Variants in CDK14 observed in about 807,000 individuals in gnomAD.
The protein encoded by CDK14 is cyclin dependent kinase 14, also known as cyclin-dependent kinase 14.
Under a neutral mutation model 60.7 loss-of-function variants are expected in CDK14, and 34 were observed. That is an observed-to-expected ratio of 0.56 (90% CI 0.43 to 0.75). The LOEUF (loss-of-function observed/expected upper bound fraction) is 0.75. Ranked by LOEUF, CDK14 falls within the 30% of genes least tolerant of loss-of-function variation. The probability of loss-of-function intolerance (pLI) is 0.00; values close to 1 mark genes in which losing one functional copy is unlikely to be tolerated. For synonymous variants in CDK14, 197 were observed against 203.7 expected, an observed-to-expected ratio of 0.97 and a Z score of 0.28; for missense variants, 482 against 564.1, an observed-to-expected ratio of 0.85 and a Z score of 1.47.
At chr7:90,788,735 G>C (rs1805704776) in intron 4 of CDK14, among the ~76,000 whole-genome samples, 1 of 152,200 alleles carries the variant, frequency 6.6e-6, no homozygotes, top group South Asian at 2.1e-4. Context: ...AGACCAAATA[G>C]ATGTAGGTTT....
In CDK14 at chr7:90,901,900, A is replaced by G. The variant is rs76328654; in HGVS notation, c.702+2547A>G. 9.9e-3 allele frequency among the ~76,000 whole-genome samples: 1,502 copies of G among 152,222 alleles called. 25 individuals are homozygous for G. Among genetic ancestry groups the G allele is most frequent in the African/African-American group, 0.033 (1,381 of 41,560 alleles). On this transcript the variant is annotated intron_variant, in intron 7 of 14. Coordinates refer to ENST00000380050, the MANE Select transcript of CDK14 (RefSeq NM_001287135.2). ...CACCAAAAAAAGTTACAGAGCTGAT[A>G]AACTAATTCCGTAAAGTTGCAGGAT...
intron 5 of CDK14, among the ~76,000 whole-genome samples, chr7:90,849,204 T>C (rs577191487): frequency 1.3e-5 from 2 of 152,108 alleles, no homozygotes; most frequent in Admixed American, 1.3e-4. Context: ...AAAAGGAGCC[T>C]GATACCTCCC....
chr7:90,760,423 G>A (rs962324668), intron 4 of CDK14, among the ~76,000 whole-genome samples: 1 of 152,194 alleles, frequency 6.6e-6, no homozygotes, highest in Non-Finnish European at 1.5e-5. Flanking sequence ...CATTGAAGCT[G>A]CAATCTTAAG....
At chr7:91,019,576 C>A (rs572675718) in intron 10 of CDK14, among the ~76,000 whole-genome samples, 2 of 152,102 alleles carry the variant, frequency 1.3e-5, no homozygotes, top group Admixed American at 1.3e-4. Context: ...CAATTCACAC[C>A]TCTATTCTCC....
At chr7:90,819,485 G>GTT (rs898527048) in intron 5 of CDK14, among the ~76,000 whole-genome samples, 3 of 143,698 alleles carry the variant, frequency 2.1e-5, no homozygotes, top group African/African-American at 7.6e-5. Context: ...TCCCTTTGGA[G>GTT]TTTTTTTTTT....
rs1166329869 is a variant in CDK14, at chr7:91,167,497, A to G, written c.*29-39668A>G. Among the ~76,000 whole-genome samples, 4 of 152,212 alleles carry G rather than the reference A, an allele frequency of 2.6e-5. No individual in the cohort carries two copies. The South Asian group carries it at 6.2e-4, about 24-fold the overall frequency. On this transcript the variant is annotated intron_variant, in intron 14 of 14. Coordinates refer to ENST00000380050, the MANE Select transcript of CDK14 (RefSeq NM_001287135.2). The stretch of plus-strand genomic sequence containing the variant: ...GCCATTGCTACATTCACACTGAAAC[A>G]GCTAACTGCCCAGCTGATTGTTCTT...
intron 5 of CDK14, among the ~76,000 whole-genome samples, chr7:90,851,237 C>T (rs1790637401): frequency 6.6e-6 from 1 of 152,064 alleles, no homozygotes; most frequent in African/African-American, 2.4e-5. Flanking sequence ...GAAGGTGACC[C>T]TGAGTTTTAC....
At chr7:90,945,030 C>T (rs571459713) in intron 8 of CDK14, among the ~76,000 whole-genome samples, 1 of 152,094 alleles carries the variant, frequency 6.6e-6, no homozygotes, top group East Asian at 1.9e-4. Flanking sequence ...AATGAACTGA[C>T]ATAAGAAAAA....
At chr7:90,832,611 A>G (rs73399824) in intron 5 of CDK14, among the ~76,000 whole-genome samples, 2,885 of 152,286 alleles carry the variant, frequency 0.019, 87 homozygotes, top group African/African-American at 0.065. Flanking sequence ...GAATTTTTAA[A>G]AGAGTCAATC....
intron 11 of CDK14, among the ~76,000 whole-genome samples, chr7:91,057,647 A>G (rs1050069587): frequency 6.6e-6 from 1 of 152,202 alleles, no homozygotes; most frequent in Non-Finnish European, 1.5e-5. Flanking sequence ...TCCCAACACC[A>G]TTTATTAAAT....
intron 11 of CDK14, among the ~76,000 whole-genome samples, chr7:91,070,244 GT>G (rs1248186896): frequency 1.5e-5 from 2 of 132,356 alleles, no homozygotes; most frequent in Non-Finnish European, 3.2e-5. Flanking sequence ...CATTTATTTT[GT>G]TGTTGCTGCT....
intron 6 of CDK14, among the ~76,000 whole-genome samples, chr7:90,896,251 TAAGTA>T (rs1475196677): frequency 6.6e-6 from 1 of 152,162 alleles, no homozygotes; most frequent in African/African-American, 2.4e-5. Context: ...TTTACTGATT[TAAGTA>T]TTTTTAGACT....
rs147985397 is a variant in CDK14, at chr7:91,156,651, A to G, written c.*28+38443A>G. The stretch of plus-strand genomic sequence containing the variant: ...AGTCATTGCCATCGTTTATTTATTC[A>G]TATATTTTTAATGGTGGGAGGATTA... On this transcript the variant is annotated intron_variant, in intron 14 of 14. Transcript: ENST00000380050. Among the ~76,000 whole-genome samples the G allele has an allele frequency of 8.0e-3, 1,213 of 152,286 alleles. 46 individuals are homozygous for G. Among genetic ancestry groups the G allele is most frequent in the Admixed American group, 0.068 (1,036 of 15,290 alleles).
intron 10 of CDK14, among the ~76,000 whole-genome samples, chr7:91,012,812 G>A (rs560870924): frequency 1.6e-3 from 250 of 152,260 alleles, no homozygotes; most frequent in Admixed American, 2.6e-3. Flanking sequence ...ACTCCTCAAA[G>A]GGTAAAGATA....
At chr7:90,673,548 T>C (rs1250520878) in intron 2 of CDK14, among the ~76,000 whole-genome samples, 2 of 151,810 alleles carry the variant, frequency 1.3e-5, no homozygotes, top group Admixed American at 6.6e-5. Context: ...CAGCTTAAAA[T>C]TGGTTAAGTC....
At chr7:90,920,316 A>G (rs2117430214) in intron 8 of CDK14, among the ~76,000 whole-genome samples, 1 of 152,332 alleles carries the variant, frequency 6.6e-6, no homozygotes, top group East Asian at 1.9e-4. Context: ...TAAATTTTTG[A>G]CTAAAAGAGA....
intron 2 of CDK14, among the ~76,000 whole-genome samples, chr7:90,676,070 A>G (rs1400792225): frequency 6.6e-6 from 1 of 152,212 alleles, no homozygotes; most frequent in Admixed American, 6.5e-5. Context: ...AGCACATACT[A>G]TATGCCTGTA....
intron 5 of CDK14, among the ~76,000 whole-genome samples, chr7:90,840,789 A>T (rs966351666): frequency 6.6e-6 from 1 of 152,184 alleles, no homozygotes; most frequent in Non-Finnish European, 1.5e-5. Context: ...ATAGAAGGTG[A>T]TACAGACTGC....
At chr7:91,094,603 C>T (rs73400963) in intron 12 of CDK14, among the ~76,000 whole-genome samples, 2,740 of 152,182 alleles carry the variant, frequency 0.018, 95 homozygotes, top group African/African-American at 0.062. Context: ...TTCCTGTCTT[C>T]AGTTATTTTG....
Sources: gnomAD v4.1 joint callset for allele counts (sites outside exome capture counted in the v4.1 genomes callset) on GRCh38, gnomAD v4.1.1 for gene constraint, MANE v1.5 for transcripts, NCBI Gene and HGNC (gene_info 2026-07-23, HGNC 2026-07-21) for gene names.